The following MYH11 variants were observed in gnomAD, a reference collection of about 807,000 sequenced individuals.
MYH11 encodes the protein myosin-11.
In MYH11, 80 loss-of-function variants were observed where a neutral mutation model predicts 246.6. The observed-to-expected ratio is 0.32, with a 90% CI of 0.27 to 0.39. The LOEUF (loss-of-function observed/expected upper bound fraction) is 0.39. MYH11 is among the 10% of genes least tolerant of loss of function. MYH11 has a pLI of 1.00. For synonymous variants in MYH11, 1,071 were observed against 1,015.5 expected, an observed-to-expected ratio of 1.05 and a Z score of -1.04; for missense variants, 2,158 against 2,546.8, an observed-to-expected ratio of 0.85 and a Z score of 3.29.
Position 15,707,280 on chromosome 16 carries a change from C to T in MYH11, c.5787-3157G>A, listed in dbSNP as rs541853108. ...CTGACCTCAAGTTATCTGCCCGCCTCGGCCTCCCAAAGTGCTGGGATTATA... is the reference window on the plus strand; with the variant it reads ...CTGACCTCAAGTTATCTGCCCGCCTTGGCCTCCCAAAGTGCTGGGATTATA... On this transcript the variant is annotated intron_variant, in intron 40 of 40. Transcript: ENST00000300036. 4.6e-5 allele frequency among the ~76,000 whole-genome samples: 7 copies of T among 152,276 alleles called. No homozygotes were observed. The South Asian group carries it at 8.3e-4, about 18-fold the overall frequency.
intron 2 of MYH11, among the ~76,000 whole-genome samples, chr16:15,825,815 T>A (rs1488613416): frequency 1.3e-5 from 2 of 151,994 alleles, no homozygotes; most frequent in African/African-American, 4.8e-5. Context: ...GATTTTCCCA[T>A]GGTTGAGGTC....
chr16:15,705,599 A>G (rs1052669075), intron 40 of MYH11, among the ~76,000 whole-genome samples: 3 of 152,154 alleles, frequency 2.0e-5, no homozygotes, highest in Non-Finnish European at 4.4e-5. Context: ...TAGGACATCA[A>G]AGAAGAGAGC....
chr16:15,776,448 C>T (rs2042223345), intron 7 of MYH11, among the ~76,000 whole-genome samples: 1 of 152,098 alleles, frequency 6.6e-6, no homozygotes, highest in South Asian at 2.1e-4. Flanking sequence ...CGAGATGTTC[C>T]CCTAACAGCC....
intron 3 of MYH11, among the ~76,000 whole-genome samples, chr16:15,807,340 G>A (rs1001036879): frequency 3.3e-5 from 5 of 152,000 alleles, no homozygotes; most frequent in African/African-American, 1.2e-4. Flanking sequence ...ACCCAGGGTG[G>A]GAGTCAGATG....
At chr16:15,763,500 C>G (rs990599375) in intron 10 of MYH11, among the ~76,000 whole-genome samples, 4 of 151,824 alleles carry the variant, frequency 2.6e-5, no homozygotes, top group Non-Finnish European at 4.4e-5. Flanking sequence ...TCAGCTTGGG[C>G]AACACAGCGA....
intron 3 of MYH11, among the ~76,000 whole-genome samples, chr16:15,810,186 A>G (rs1490899601): frequency 6.6e-6 from 1 of 151,430 alleles, no homozygotes; most frequent in Non-Finnish European, 1.5e-5. Context: ...GTCGCCCACC[A>G]CCATGCCTGG....
chr16:15,787,514 C>T (rs113989508), intron 4 of MYH11, among the ~76,000 whole-genome samples: 5,985 of 132,566 alleles, frequency 0.045, 189 homozygotes, highest in Middle Eastern at 0.11. Context: ...GATGGAGTCT[C>T]ACTCTGTCCC....
chr16:15,783,676 T>A (rs1245678089), intron 5 of MYH11: 1 of 152,180 alleles, frequency 6.6e-6, no homozygotes, highest in Non-Finnish European at 1.5e-5. Context: ...TTTGTTCACA[T>A]AAACTTGGGG....
intron 8 of MYH11, 138 bp downstream of exon 8, chr16:15,775,940 A>C: frequency 2.6e-6 from 2 of 755,818 alleles, no homozygotes; most frequent in Non-Finnish European, 4.9e-6. Flanking sequence ...GAGATGAAGA[A>C]CTGTTCATAT....
At chr16:15,854,065 T>C (rs11860621) in intron 1 of MYH11, among the ~76,000 whole-genome samples, 13,496 of 152,094 alleles carry the variant, frequency 0.089, 1,996 homozygotes, top group African/African-American at 0.3. Flanking sequence ...ACAAATGTAA[T>C]TGGAATTTGT....
At position 15,719,204 on chromosome 16, in the gene MYH11, C is replaced by A. The variant is rs754187827; in HGVS notation, c.5171+16G>T. On this transcript the variant is annotated intron_variant, in intron 36 of 40. Coordinates refer to ENST00000300036, the MANE Select transcript of MYH11 (RefSeq NM_002474.3). The stretch of plus-strand genomic sequence containing the variant: ...TCCTCTGCTTCAGAGCCCTCTTCCT[C>A]CATTCAGTTTCCTACCTTCCCGACA... The A allele has an allele frequency of 6.2e-7, 1 of 1,612,120 alleles. No individual in the cohort carries two copies. Among genetic ancestry groups the A allele is most frequent in the Non-Finnish European group, 8.5e-7 (1 of 1,178,682 alleles).
intron 36 of MYH11, 181 bp from the exon 37 acceptor site, chr16:15,718,619 G>A (rs867519003): frequency 6.0e-5 from 55 of 919,266 alleles, no homozygotes; most frequent in Admixed American, 5.0e-4. Context: ...CCGGGACTCA[G>A]GCCGGGTCCG....
At chr16:15,839,132 C>G (rs957907560) in intron 1 of MYH11, among the ~76,000 whole-genome samples, 2 of 150,480 alleles carry the variant, frequency 1.3e-5, no homozygotes, top group Non-Finnish European at 1.5e-5. Context: ...ATCACCTGAG[C>G]CTGGGAGGTC....
intron 2 of MYH11, among the ~76,000 whole-genome samples, chr16:15,825,655 A>G (rs1479931132): frequency 1.3e-5 from 2 of 152,134 alleles, no homozygotes; most frequent in African/African-American, 4.8e-5. Context: ...GCACTTTACC[A>G]TTTAAAAAAT....
At chr16:15,711,896 T>C (rs1364887046) in intron 40 of MYH11, among the ~76,000 whole-genome samples, 1 of 152,194 alleles carries the variant, frequency 6.6e-6, no homozygotes, top group Non-Finnish European at 1.5e-5. Context: ...TTTCACCATG[T>C]TGGTCAGGCT....
intron 19 of MYH11, 146 bp from the exon 20 acceptor site, chr16:15,745,383 T>C (rs1384368990): frequency 6.4e-6 from 4 of 620,486 alleles, no homozygotes; most frequent in Non-Finnish European, 1.2e-5. Flanking sequence ...GTGTGACACA[T>C]GTGTTGTCTG....
chr16:15,855,760 G>C (rs533283500), intron 1 of MYH11, among the ~76,000 whole-genome samples: 1 of 152,126 alleles, frequency 6.6e-6, no homozygotes, highest in African/African-American at 2.4e-5. Context: ...GTCAAGTTCC[G>C]TCTCTGAACA....
intron 27 of MYH11, among the ~76,000 whole-genome samples, chr16:15,731,112 G>A (rs752248855): frequency 1.3e-5 from 2 of 152,114 alleles, no homozygotes; most frequent in African/African-American, 2.4e-5. Context: ...GGCATGAGCC[G>A]CCATGCCTGG....
intron 1 of MYH11, 79 bp downstream of exon 1, chr16:15,856,862 G>A (rs1390352223): frequency 6.6e-6 from 1 of 151,866 alleles, no homozygotes; most frequent in Non-Finnish European, 1.5e-5. Flanking sequence ...GTGCACCCCA[G>A]CCCCTATAGA....
Sources: gnomAD v4.1 joint callset for allele counts (sites outside exome capture counted in the v4.1 genomes callset) on GRCh38, gnomAD v4.1.1 for gene constraint, MANE v1.5 for transcripts, NCBI Gene and HGNC (gene_info 2026-07-23, HGNC 2026-07-21) for gene names.